The following FOXP2 variants were observed in gnomAD, a reference collection of about 807,000 sequenced individuals.
The protein encoded by FOXP2 is forkhead box P2.
Under a neutral mutation model 115.8 loss-of-function variants are expected in FOXP2, and 12 were observed. The observed-to-expected ratio is 0.10, with a 90% CI of 0.07 to 0.17. The LOEUF is 0.17. FOXP2 is among the 10% of genes least tolerant of loss of function. The probability of loss-of-function intolerance (pLI) is 1.00; values close to 1 mark genes in which losing one functional copy is unlikely to be tolerated. For missense variants in FOXP2, 629 were observed against 843.5 expected (o/e 0.75, Z 3.15); for synonymous variants, 328 against 297.7 (o/e 1.10, Z -1.05).
chr7:114,597,004 A>G (rs1802752208), intron 3 of FOXP2, among the ~76,000 whole-genome samples: 1 of 152,116 alleles, frequency 6.6e-6, no homozygotes, highest in South Asian at 2.1e-4. Context: ...TTAATCAAAA[A>G]TAATTCAGAA....
At chr7:114,137,645 TA>T (rs201857204) in intron 1 of FOXP2, among the ~76,000 whole-genome samples, 10 of 145,654 alleles carry the variant, frequency 6.9e-5, no homozygotes, top group African/African-American at 2.4e-4. Context: ...AAGTTTTCAT[TA>T]AAAAAAATGA....
At chr7:114,517,848 TC>T (rs1798421089) in intron 2 of FOXP2, among the ~76,000 whole-genome samples, 1 of 152,140 alleles carries the variant, frequency 6.6e-6, no homozygotes, top group Non-Finnish European at 1.5e-5. Flanking sequence ...GATTTTTTTT[TC>T]GATTTCCGTG....
intron 2 of FOXP2, among the ~76,000 whole-genome samples, chr7:114,333,818 G>A (rs1170271487): frequency 6.6e-6 from 1 of 151,896 alleles, no homozygotes. Flanking sequence ...AACCCAGTAG[G>A]CATAGGGTGC....
At position 114,596,186 on chromosome 7, in the gene FOXP2, A is replaced by G. The variant is rs1031645594; in HGVS notation, c.259-32354A>G. 3.3e-5 allele frequency among the ~76,000 whole-genome samples: 5 copies of G among 152,046 alleles called. No homozygotes were observed. In the South Asian group the frequency reaches 6.2e-4, roughly 19 times the overall value. On this transcript the variant is annotated intron_variant, in intron 3 of 16. Coordinates refer to ENST00000350908, the MANE Select transcript of FOXP2 (RefSeq NM_014491.4). ...TCTCTTTTTATTAAAGAGAGAAGTC[A>G]TGGTTCCCTTGATGTTATCTCCTTA...
intron 16 of FOXP2, among the ~76,000 whole-genome samples, chr7:114,679,591 AT>A (rs1349900483): frequency 1.3e-5 from 2 of 152,106 alleles, no homozygotes; most frequent in African/African-American, 4.8e-5. Flanking sequence ...TCATTCTGCT[AT>A]TCTAACACAC....
chr7:114,458,546 C>CTTTTTTTTTT (rs1177402028), intron 2 of FOXP2, among the ~76,000 whole-genome samples: 2 of 113,416 alleles, frequency 1.8e-5, no homozygotes, highest in African/African-American at 3.4e-5. Context: ...ATTTTCTTTT[C>CTTTTTTTTTT]TTTTTTTTTT....
At chr7:114,492,454 T>C (rs113685048) in intron 2 of FOXP2, among the ~76,000 whole-genome samples, 2 of 151,966 alleles carry the variant, frequency 1.3e-5, no homozygotes, top group Non-Finnish European at 2.9e-5. Flanking sequence ...CTTCTGCTAG[T>C]TTTTGAATGT....
At chr7:114,321,509 T>C (rs925396124) in intron 2 of FOXP2, among the ~76,000 whole-genome samples, 2 of 152,136 alleles carry the variant, frequency 1.3e-5, no homozygotes, top group African/African-American at 2.4e-5. Flanking sequence ...CTAGTAACTT[T>C]TAAATAAAGT....
chr7:114,135,935 G>A (rs1274993176), intron 1 of FOXP2, among the ~76,000 whole-genome samples: 4 of 151,996 alleles, frequency 2.6e-5, no homozygotes, highest in African/African-American at 4.8e-5. Context: ...AATGTTATAC[G>A]TAATTATGTT....
intron 1 of FOXP2, among the ~76,000 whole-genome samples, chr7:114,420,363 G>T (rs944064662): frequency 1.4e-4 from 21 of 151,920 alleles, no homozygotes; most frequent in Non-Finnish European, 2.9e-4. Context: ...TGCTAGGCAG[G>T]TCTTTCTATG....
intron 3 of FOXP2, among the ~76,000 whole-genome samples, chr7:114,580,629 A>C (rs1801803237): frequency 6.6e-6 from 1 of 152,154 alleles, no homozygotes; most frequent in African/African-American, 2.4e-5. Flanking sequence ...AAGAAAAGAA[A>C]GAATACAACG....
chr7:114,142,940 G>A (rs1792262057), intron 1 of FOXP2, among the ~76,000 whole-genome samples: 1 of 151,782 alleles, frequency 6.6e-6, no homozygotes, highest in Non-Finnish European at 1.5e-5. Context: ...TTGAGTCCAG[G>A]GTTTCAAGAC....
rs532003560 is a variant in FOXP2 at position 114,448,562 on chromosome 7, C to T, written c.168+21883C>T. On this transcript the variant is annotated intron_variant, in intron 2 of 16. Coordinates refer to ENST00000350908, the MANE Select transcript of FOXP2 (RefSeq NM_014491.4). Reference sequence around the variant, plus strand: ...TTTTCTATTCCTGATGTTGTCCTTTCCTGCTACACCCATAGTGGTGCCGCT... The same window carrying T: ...TTTTCTATTCCTGATGTTGTCCTTTTCTGCTACACCCATAGTGGTGCCGCT... 3.0e-4 allele frequency among the ~76,000 whole-genome samples: 45 copies of T among 152,176 alleles called. 1 individual carries two copies. Among genetic ancestry groups the T allele is most frequent in the African/African-American group, 9.6e-4 (40 of 41,528 alleles).
At position 114,690,681 on chromosome 7, in the gene FOXP2, G is replaced by A; in HGVS notation, c.*755G>A. 1 of 454,454 alleles carries A rather than the reference G, an allele frequency of 2.2e-6. No individual in the cohort carries two copies. The highest frequency in any genetic ancestry group is 1.6e-5 in the South Asian group (1 of 64,472). 28.2% of individuals were successfully genotyped at this position (454,454 alleles called of 1,614,324 possible). A position where few individuals can be genotyped will look rare whatever the true frequency, so the allele number is the denominator to read the frequency against. On this transcript the variant is annotated 3_prime_UTR_variant, in exon 17 of 17. Coordinates refer to ENST00000350908, the MANE Select transcript of FOXP2 (RefSeq NM_014491.4). ...GCATATCTGCATAGATCTTACAACT[G>A]TACTCTTTACCTCCTTGTGATAAAG...
At chr7:114,320,906 A>G (rs569135400) in intron 2 of FOXP2, among the ~76,000 whole-genome samples, 17 of 152,284 alleles carry the variant, frequency 1.1e-4, no homozygotes, top group African/African-American at 3.9e-4. Context: ...TCAATAAGCT[A>G]AAGATTTCCA....
intron 2 of FOXP2, among the ~76,000 whole-genome samples, chr7:114,374,133 A>G (rs1792081745): frequency 6.6e-6 from 1 of 152,228 alleles, no homozygotes; most frequent in Non-Finnish European, 1.5e-5. Context: ...ATATTATATA[A>G]TCCTTTCATA....
rs183879564 is a variant in FOXP2, at chr7:114,661,812, T to C, written c.1648-253T>C. ...TACAGATATTGCAATTTAGACCAGT[T>C]CAATGAAAGGAAGGTTTTGACACAG... On this transcript the variant is annotated intron_variant, in intron 13 of 16. Transcript: ENST00000350908. 6.7e-4 allele frequency: 293 copies of C among 437,558 alleles called. 3 individuals carry two copies. Among genetic ancestry groups the C allele is most frequent in the African/African-American group, 3.9e-3 (195 of 49,752 alleles). 27.1% of individuals were successfully genotyped at this position (437,558 alleles called of 1,614,324 possible). A position where few individuals can be genotyped will look rare whatever the true frequency, so the allele number is the denominator to read the frequency against.
chr7:114,396,024 A>G (rs992424210), intron 2 of FOXP2, among the ~76,000 whole-genome samples: 5 of 152,052 alleles, frequency 3.3e-5, no homozygotes, highest in African/African-American at 1.2e-4. Flanking sequence ...ATCCAATTAT[A>G]TTCTTTTAGT....
chr7:114,469,246 C>A (rs1292520054), intron 2 of FOXP2, among the ~76,000 whole-genome samples: 2 of 152,048 alleles, frequency 1.3e-5, no homozygotes, highest in Non-Finnish European at 2.9e-5. Context: ...TAGTATCTGT[C>A]AAGTTTTCAA....
Sources: gnomAD v4.1 joint callset for allele counts (sites outside exome capture counted in the v4.1 genomes callset) on GRCh38, gnomAD v4.1.1 for gene constraint, MANE v1.5 for transcripts, NCBI Gene and HGNC (gene_info 2026-07-23, HGNC 2026-07-21) for gene names.